TCF20: variants seen among roughly 807,000 people sequenced by gnomAD.
The protein encoded by TCF20 is transcription factor 20.
TCF20 carries 3 observed loss-of-function variants against 148.6 expected under a neutral mutation model. That is an observed-to-expected ratio of 0.02 (90% CI 0.01 to 0.05). TCF20 has a LOEUF of 0.05. Among genes scored for constraint, TCF20 ranks in the 10% least tolerant of loss-of-function variants. TCF20 has a pLI of 1.00. For missense variants in TCF20, 2,350 were observed against 2,429.3 expected (o/e 0.97, Z 0.69); for synonymous variants, 1,049 against 909.5 (o/e 1.15, Z -2.76).
At chr22:42,246,498 C>G (rs1036865950) in intron 1 of TCF20, among the ~76,000 whole-genome samples, 2 of 152,156 alleles carry the variant, frequency 1.3e-5, no homozygotes, top group Admixed American at 1.3e-4. Flanking sequence ...AAGGACAAGT[C>G]TTCCCTACAC....
chr22:42,172,893 C>G (rs1160204908), intron 3 of TCF20, among the ~76,000 whole-genome samples: 1 of 152,170 alleles, frequency 6.6e-6, no homozygotes, highest in Non-Finnish European at 1.5e-5. Flanking sequence ...GGCTCAGGCT[C>G]CTGGGCCATA....
intron 1 of TCF20, among the ~76,000 whole-genome samples, chr22:42,302,168 C>A (rs1471470461): frequency 4.6e-5 from 7 of 152,178 alleles, no homozygotes; most frequent in African/African-American, 1.7e-4. Context: ...CTTGATGCTG[C>A]CTTAAGGGCA....
In TCF20 at chr22:42,210,586, C is replaced by G. The variant is rs1435549844; in HGVS notation, c.4720G>C (p.Glu1574Gln). 1.2e-6 allele frequency: 2 copies of G among 1,614,114 alleles called. No individual in the cohort carries two copies. Among genetic ancestry groups the G allele is most frequent in the Non-Finnish European group, 1.7e-6 (2 of 1,180,042 alleles). The part of the protein sequence containing the change: ...PQIPEGSADG[E>Q]PKPKKQRQRR... ...TGCCTCTGTTTTTTTGGCTTTGGCT[C>G]TCCATCTGCAGAACCTTCTGGTATC... Residue 1574 changes from glutamate (E) to glutamine (Q), a missense_variant, in exon 2 of 6, where the codon GAG becomes CAG. Glu to Gln is a conservative substitution (Grantham distance 29). Around this residue, in one of 7 missense-constraint regions of TCF20, gnomAD observed 374 missense variants for 398.3 expected, o/e 0.94. Coordinates refer to ENST00000677622, the MANE Select transcript of TCF20 (RefSeq NM_001378418.1). This position sits in a 1 kb window ranked among gnomAD's most constrained non-coding sequence, Gnocchi z 4.7.
At chr22:42,269,553 G>A (rs1473770457) in intron 1 of TCF20, among the ~76,000 whole-genome samples, 1 of 152,158 alleles carries the variant, frequency 6.6e-6, no homozygotes, top group Non-Finnish European at 1.5e-5. Context: ...CGGCCCGATT[G>A]GCCACGCTCC....
rs1355590125 is a variant in TCF20 at position 42,297,736 on chromosome 22, G to A, written c.-37+45743C>T. On this transcript the variant is annotated intron_variant, in intron 1 of 1. Transcript: ENST00000515426. This position sits in a 1 kb window ranked among gnomAD's most constrained non-coding sequence, Gnocchi z 4.3. The stretch of plus-strand genomic sequence containing the variant: ...ACAAATGTGTGTGGACTCCCCTCTT[G>A]CCCCACAAACCACAACAGAAGGCCT... Among the ~76,000 whole-genome samples, 2 of 152,190 alleles carry A rather than the reference G, an allele frequency of 1.3e-5. No individual in the cohort carries two copies. Among genetic ancestry groups the A allele is most frequent in the Non-Finnish European group, 2.9e-5 (2 of 68,032 alleles).
At chr22:42,324,692 A>ACAAAAAATAATCTCCACCATCT (rs1927841065) in intron 1 of TCF20, among the ~76,000 whole-genome samples, 1 of 145,218 alleles carries the variant, frequency 6.9e-6, no homozygotes, top group South Asian at 2.2e-4. Context: ...CCACCATTTG[A>ACAAAAAATAATCTCCACCATCT]GAAAAAATAA....
At chr22:42,329,314 G>A (rs1032984429) in intron 1 of TCF20, among the ~76,000 whole-genome samples, 1 of 152,236 alleles carries the variant, frequency 6.6e-6, no homozygotes, top group African/African-American at 2.4e-5. Flanking sequence ...CAGCTGTGGG[G>A]GTGAGCACCT....
intron 1 of TCF20, among the ~76,000 whole-genome samples, chr22:42,225,697 A>G (rs550425166): frequency 6.6e-4 from 100 of 152,094 alleles, no homozygotes; most frequent in Admixed American, 1.6e-3. Flanking sequence ...TCCTACTGAC[A>G]GCAAAGTGCT....
At chr22:42,190,300 A>T (rs1937263916) in intron 2 of TCF20, among the ~76,000 whole-genome samples, 1 of 152,200 alleles carries the variant, frequency 6.6e-6, no homozygotes, top group Admixed American at 6.5e-5. Flanking sequence ...CTCTACAAAA[A>T]ATAAAATTAA....
chr22:42,253,577 CAA>C (rs1383525144), intron 1 of TCF20, among the ~76,000 whole-genome samples: 1 of 151,966 alleles, frequency 6.6e-6, no homozygotes, highest in Non-Finnish European at 1.5e-5. Context: ...AAAGCATCAA[CAA>C]AAGTTTTATT....
intron 1 of TCF20, among the ~76,000 whole-genome samples, chr22:42,282,768 G>A (rs1178569254): frequency 6.6e-6 from 1 of 152,212 alleles, no homozygotes; most frequent in Non-Finnish European, 1.5e-5. Flanking sequence ...GGTGAGCTGA[G>A]GAGGGGCTGC....
Position 42,299,971 on chromosome 22 carries a change from G to A in TCF20, c.-37+43508C>T, listed in dbSNP as rs998261876. ...GAGGGGAAGGAAGGGCGGGGAGGGG[G>A]AGGGGGAGGGGCGCGCTGAAATCAC... On this transcript the variant is annotated intron_variant, in intron 1 of 1. Coordinates refer to the TCF20 transcript ENST00000515426. This position sits in a 1 kb window ranked among gnomAD's most constrained non-coding sequence, Gnocchi z 4.1. Among the ~76,000 whole-genome samples the A allele has an allele frequency of 7.2e-6, 1 of 138,364 alleles. No homozygotes were observed. The highest frequency in any genetic ancestry group is 2.6e-5 in the African/African-American group (1 of 37,994). The allele number at this position is 138,364 out of a possible 152,430, so 90.8% of individuals were successfully genotyped here. A position where few individuals can be genotyped will look rare whatever the true frequency, so the allele number is the denominator to read the frequency against.
At chr22:42,342,580 A>G (rs1328952617) in intron 1 of TCF20, among the ~76,000 whole-genome samples, 1 of 152,148 alleles carries the variant, frequency 6.6e-6, no homozygotes, top group African/African-American at 2.4e-5. Context: ...AGACACTAGG[A>G]GAGGAGGCAG....
intron 1 of TCF20, among the ~76,000 whole-genome samples, chr22:42,283,305 G>A (rs1018901440): frequency 3.3e-5 from 5 of 152,196 alleles, no homozygotes; most frequent in Admixed American, 6.5e-5. Flanking sequence ...GGGGGGGAGA[G>A]GGAGCAGCCA....
intron 1 of TCF20, among the ~76,000 whole-genome samples, chr22:42,243,733 T>C (rs973800927): frequency 1.3e-5 from 2 of 152,168 alleles, no homozygotes; most frequent in African/African-American, 4.8e-5. Flanking sequence ...TATGGTTGGA[T>C]TGAGGGAGGG....
At chr22:42,274,287 G>T (rs1001586), upstream of TCF20, 27,159 of 152,570 alleles carry the variant, frequency 0.18, 2,651 homozygotes, top group East Asian at 0.34. Context: ...CAAAGCACAA[G>T]GATACTGAGA....
chr22:42,214,377 T>C lies in TCF20; in HGVS notation c.929A>G (p.Gln310Arg). ...CGGTTGCTGCTGCTGCTGCCCCTGT[T>C]GGGTCCCTTGTGGAATCTTTGCCTG... ...FEQAKIPQGT[Q>R]QGQQQQQPQQ... Residue 310 changes from glutamine (Q) to arginine (R), a missense_variant, in exon 2 of 6, where the codon CAA becomes CGA. Transcript: ENST00000677622. The C allele has an allele frequency of 6.2e-7, 1 of 1,613,918 alleles. No individual in the cohort carries two copies. Among genetic ancestry groups the C allele is most frequent in the Middle Eastern group, 1.7e-4 (1 of 6,060 alleles).
intron 1 of TCF20, among the ~76,000 whole-genome samples, chr22:42,232,808 A>AC (rs1923548052): frequency 6.6e-6 from 1 of 151,468 alleles, no homozygotes; most frequent in Non-Finnish European, 1.5e-5. Flanking sequence ...CCAAAAAGAA[A>AC]AAAAAAAAAA....
intron 1 of TCF20, among the ~76,000 whole-genome samples, chr22:42,318,099 CGGGGCACCACA>C (rs1927665965): frequency 6.6e-6 from 1 of 152,176 alleles, no homozygotes; most frequent in African/African-American, 2.4e-5. Context: ...CAGGCCCCAA[CGGGGCACCACA>C]GGCCCCGCCC....
Sources: allele counts gnomAD v4.1 joint callset (sites outside exome capture counted in the v4.1 genomes callset), GRCh38; gene constraint gnomAD v4.1.1; regional missense constraint gnomAD v4.1.1; non-coding constraint Gnocchi (gnomAD v3.1); transcripts MANE v1.5; gene names NCBI Gene and HGNC (gene_info 2026-07-23, HGNC 2026-07-21).